The following LRMDA variants were observed in gnomAD, a reference collection of about 807,000 sequenced individuals.
LRMDA encodes the protein leucine rich melanocyte differentiation associated.
Under a neutral mutation model 29.8 loss-of-function variants are expected in LRMDA, and 18 were observed. That is an observed-to-expected ratio of 0.60 (90% CI 0.42 to 0.90). LRMDA has a LOEUF of 0.90. Among genes scored for constraint, LRMDA ranks in the 40% least tolerant of loss-of-function variants. The probability of loss-of-function intolerance (pLI) is 0.00; values close to 1 mark genes in which losing one functional copy is unlikely to be tolerated. For missense variants in LRMDA, 273 were observed against 273.9 expected, an observed-to-expected ratio of 1.00 and a Z score of 0.02; for synonymous variants, 125 against 109.4, an observed-to-expected ratio of 1.14 and a Z score of -0.89.
rs138117774 is a variant in LRMDA at position 76,052,242 on chromosome 10, G to A, written c.398+4939G>A. Among the ~76,000 whole-genome samples the A allele has an allele frequency of 5.8e-4, 88 of 152,310 alleles. No homozygotes were observed. The East Asian group carries it at 0.013, about 23-fold the overall frequency. ...CAAAGAAGCATAGACTGCCGTAAAC[G>A]GAAGAAAATTTTAAAAACGAAACAA... On this transcript the variant is annotated intron_variant, in intron 4 of 6. Coordinates refer to ENST00000611255, the MANE Select transcript of LRMDA (RefSeq NM_001305581.2).
intron 2 of LRMDA, among the ~76,000 whole-genome samples, chr10:75,951,410 A>T (rs1011744333): frequency 4.6e-5 from 7 of 152,142 alleles, no homozygotes; most frequent in Admixed American, 2.0e-4. Context: ...TTGGGAGAAC[A>T]GTCTGTGGCA....
chr10:75,784,290 T>A (rs1843434505), intron 2 of LRMDA, among the ~76,000 whole-genome samples: 1 of 152,254 alleles, frequency 6.6e-6, no homozygotes, highest in Non-Finnish European at 1.5e-5. Context: ...AATAGGGTTA[T>A]CTTACAGTGT....
intron 5 of LRMDA, among the ~76,000 whole-genome samples, chr10:76,124,020 C>CT (rs1849835147): frequency 6.6e-6 from 1 of 152,152 alleles, no homozygotes; most frequent in African/African-American, 2.4e-5. Flanking sequence ...CCTTTTGAAA[C>CT]TTTTGTTAAT....
At chr10:75,436,073 A>AAG (rs10536787) in intron 1 of LRMDA, among the ~76,000 whole-genome samples, 2 of 146,962 alleles carry the variant, frequency 1.4e-5, no homozygotes, top group African/African-American at 2.5e-5. Context: ...AAAAAAAAAA[A>AAG]AGAGAGAGAG....
At chr10:75,813,442 T>C (rs1164293783) in intron 2 of LRMDA, among the ~76,000 whole-genome samples, 1 of 152,166 alleles carries the variant, frequency 6.6e-6, no homozygotes, top group Non-Finnish European at 1.5e-5. Context: ...TTTATAAAGC[T>C]CCCCAGCTGA....
rs930149401 is a variant in LRMDA at position 76,005,913 on chromosome 10, T to C, written c.132-30095T>C. On this transcript the variant is annotated intron_variant, in intron 2 of 6. Coordinates refer to ENST00000611255, the MANE Select transcript of LRMDA (RefSeq NM_001305581.2). ...CCACTGCACTCCAGCCTGGGTGCAG[T>C]GCGAGACTCCATCTTAAATAAATAA... Among the ~76,000 whole-genome samples the C allele has an allele frequency of 2.0e-5, 3 of 149,908 alleles. No individual in the cohort carries two copies. The Admixed American group carries it at 2.0e-4, about 10-fold the overall frequency.
In LRMDA at chr10:75,567,527, A is replaced by T. The variant is rs74147125; in HGVS notation, c.131+129033A>T. 1.4e-3 allele frequency among the ~76,000 whole-genome samples: 207 copies of T among 152,306 alleles called. 1 individual carries two copies. The highest frequency in any genetic ancestry group is 4.6e-3 in the African/African-American group (192 of 41,568). On this transcript the variant is annotated intron_variant, in intron 2 of 6. Transcript: ENST00000611255. ...TTTTGTTGGTTTTTTGACTTAACAG[A>T]TAAGGAAAATGTGTTAAGCACCAAG...
intron 2 of LRMDA, among the ~76,000 whole-genome samples, chr10:75,841,353 CTA>C (rs879650845): frequency 1.8e-4 from 27 of 152,102 alleles, no homozygotes; most frequent in South Asian, 6.2e-4. Context: ...GTTAGGAATG[CTA>C]TGTTTTGTCT....
intron 2 of LRMDA, among the ~76,000 whole-genome samples, chr10:75,508,465 G>C (rs1413675700): frequency 6.6e-6 from 1 of 152,174 alleles, no homozygotes; most frequent in Non-Finnish European, 1.5e-5. Context: ...TAATTTCAGA[G>C]TGGAAGAGAA....
At chr10:75,491,380 A>G (rs1008944273) in intron 2 of LRMDA, among the ~76,000 whole-genome samples, 2 of 152,198 alleles carry the variant, frequency 1.3e-5, no homozygotes, top group East Asian at 1.9e-4. Context: ...CTGATGTCGT[A>G]TAGAAAATCA....
chr10:75,560,008 C>A (rs1393636208), intron 2 of LRMDA, among the ~76,000 whole-genome samples: 1 of 150,680 alleles, frequency 6.6e-6, no homozygotes, highest in African/African-American at 2.4e-5. Flanking sequence ...ATTGGCTTGG[C>A]GATGTGGGCT....
At chr10:76,221,547 A>T (rs1851837438) in intron 5 of LRMDA, among the ~76,000 whole-genome samples, 3 of 152,346 alleles carry the variant, frequency 2.0e-5, no homozygotes, top group Admixed American at 2.0e-4. Flanking sequence ...AATACCTAGG[A>T]ATCCAGCTTA....
At chr10:76,476,599 A>T (rs1429893310) in intron 6 of LRMDA, among the ~76,000 whole-genome samples, 1 of 152,192 alleles carries the variant, frequency 6.6e-6, no homozygotes, top group Non-Finnish European at 1.5e-5. Flanking sequence ...CACAATAAAA[A>T]AAGAGAATTT....
chr10:75,881,905 C>T (rs1438279773), intron 2 of LRMDA, among the ~76,000 whole-genome samples: 1 of 152,236 alleles, frequency 6.6e-6, no homozygotes, highest in Non-Finnish European at 1.5e-5. Context: ...TCAAGACCCT[C>T]TCCTGGTAAC....
At chr10:76,300,118 G>A (rs957865970) in intron 5 of LRMDA, among the ~76,000 whole-genome samples, 1 of 152,128 alleles carries the variant, frequency 6.6e-6, no homozygotes, top group African/African-American at 2.4e-5. Flanking sequence ...ACAATTGAGT[G>A]TTTTCAGTAG....
At chr10:76,524,594 C>G (rs569131069) in intron 6 of LRMDA, among the ~76,000 whole-genome samples, 1 of 152,308 alleles carries the variant, frequency 6.6e-6, no homozygotes, top group Admixed American at 6.5e-5. Context: ...GGAGAAACAG[C>G]GTGATGGCTC....
At chr10:76,139,139 G>C (rs1287947918) in intron 5 of LRMDA, among the ~76,000 whole-genome samples, 1 of 152,104 alleles carries the variant, frequency 6.6e-6, no homozygotes, top group Non-Finnish European at 1.5e-5. Context: ...GAGAACATTA[G>C]ACTTCACAGC....
chr10:76,520,948 A>G (rs1011004253), intron 6 of LRMDA, among the ~76,000 whole-genome samples: 6 of 152,158 alleles, frequency 3.9e-5, no homozygotes, highest in African/African-American at 1.4e-4. Flanking sequence ...AAACTCATAG[A>G]ACATTTGATA....
chr10:75,454,688 G>A (rs549357786), intron 2 of LRMDA, among the ~76,000 whole-genome samples: 24 of 152,328 alleles, frequency 1.6e-4, no homozygotes, highest in South Asian at 1.4e-3. Flanking sequence ...GTTGGCTCAC[G>A]TGAATTCTTC....
Sources: allele counts gnomAD v4.1 joint callset (sites outside exome capture counted in the v4.1 genomes callset), GRCh38; gene constraint gnomAD v4.1.1; transcripts MANE v1.5; gene names NCBI Gene and HGNC (gene_info 2026-07-23, HGNC 2026-07-21).